Variants in PCDH15 observed in about 807,000 individuals in gnomAD.
The protein encoded by PCDH15 is protocadherin-15.
A neutral mutation model predicts 178.5 loss-of-function variants in PCDH15; 129 were observed. The observed-to-expected ratio is 0.72, with a 90% confidence interval of 0.63 to 0.84. The LOEUF (loss-of-function observed/expected upper bound fraction) is 0.84. Among genes scored for constraint, PCDH15 ranks in the 40% least tolerant of loss-of-function variants. The probability of loss-of-function intolerance (pLI) is 0.00; values close to 1 mark genes in which losing one functional copy is unlikely to be tolerated. For missense variants in PCDH15, 2,230 were observed against 2,099.9 expected (o/e 1.06, Z -1.21); for synonymous variants, 800 against 732.0 (o/e 1.09, Z -1.50).
At chr10:54,858,260 C>T (rs1953775817) in intron 3 of PCDH15, among the ~76,000 whole-genome samples, 1 of 152,142 alleles carries the variant, frequency 6.6e-6, no homozygotes, top group African/African-American at 2.4e-5. Context: ...TTGAAGGCTA[C>T]ATAATATTCC....
At chr10:54,319,592 C>T (rs374190445) in intron 7 of PCDH15, among the ~76,000 whole-genome samples, 49 of 152,136 alleles carry the variant, frequency 3.2e-4, no homozygotes, top group African/African-American at 1.0e-3. Context: ...TGGATAGAGG[C>T]GGTGGTTGCA....
chr10:55,075,365 A>C lies in PCDH15; in HGVS notation c.-80+91211T>G, dbSNP rs1564774780. On this transcript the variant is annotated intron_variant, in intron 2 of 5. Coordinates refer to the PCDH15 transcript ENST00000458638. ...TATAACAGATTATCAATTTTGTTTA[A>C]ATTTTTTTTTTTTTTTTTTGAGATG... Among the ~76,000 whole-genome samples, 3 of 106,834 alleles carry C rather than the reference A, an allele frequency of 2.8e-5. No homozygotes were observed. The South Asian group carries it at 1.1e-3, about 39-fold the overall frequency. 70.1% of individuals were successfully genotyped at this position (106,834 alleles called of 152,430 possible).
At chr10:55,443,947 T>C (rs1589033160) in intron 2 of PCDH15, among the ~76,000 whole-genome samples, 2 of 152,140 alleles carry the variant, frequency 1.3e-5, no homozygotes, top group Non-Finnish European at 2.9e-5. Flanking sequence ...TGGAATACTA[T>C]GCAGCCATAA....
chr10:55,626,315 G>T (rs950049093), intron 2 of PCDH15, among the ~76,000 whole-genome samples: 1 of 152,178 alleles, frequency 6.6e-6, no homozygotes, highest in East Asian at 1.9e-4. Flanking sequence ...CTTGGATCTT[G>T]CCTCCCACTG....
chr10:55,193,898 C>A (rs1013265774), intron 1 of PCDH15, among the ~76,000 whole-genome samples: 1 of 151,640 alleles, frequency 6.6e-6, no homozygotes, highest in African/African-American at 2.4e-5. Context: ...ACTATGGGTC[C>A]CTTAAATAAT....
chr10:55,278,294 G>T (rs1277609434), intron 1 of PCDH15, among the ~76,000 whole-genome samples: 3 of 151,834 alleles, frequency 2.0e-5, no homozygotes, highest in African/African-American at 7.3e-5. Context: ...CTTAAGTTGT[G>T]GGTAGACAGT....
intron 2 of PCDH15, among the ~76,000 whole-genome samples, chr10:55,612,209 G>A (rs1843381457): frequency 6.6e-6 from 1 of 151,968 alleles, no homozygotes; most frequent in African/African-American, 2.4e-5. Flanking sequence ...ATAAATATGT[G>A]AGTTGAAAGA....
rs763546815 is a variant in PCDH15 at position 55,110,963 on chromosome 10, CAG to C, written c.-80+55611_-80+55612del. 1.9e-3 allele frequency among the ~76,000 whole-genome samples: 288 copies of C among 152,218 alleles called. 5 individuals are homozygous for C. Among genetic ancestry groups the C allele is most frequent in the East Asian group, 7.7e-4 (4 of 5,190 alleles). ...AGTTTATATCCTCTATCTCACAAAACAGAGTTTCCTTTTCTTATAGCAATTAG... is the reference window on the plus strand; with the variant it reads ...AGTTTATATCCTCTATCTCACAAAACAGTTTCCTTTTCTTATAGCAATTAG... On this transcript the variant is annotated intron_variant, in intron 2 of 5. Coordinates refer to the PCDH15 transcript ENST00000458638.
intron 2 of PCDH15, among the ~76,000 whole-genome samples, chr10:55,327,227 C>G (rs1844055465): frequency 6.6e-6 from 1 of 152,038 alleles, no homozygotes. Context: ...ATCTATGAAC[C>G]AGGATGTGAG....
chr10:55,160,452 T>G (rs1591953848), intron 2 of PCDH15, among the ~76,000 whole-genome samples: 2 of 152,022 alleles, frequency 1.3e-5, no homozygotes, highest in African/African-American at 4.8e-5. Context: ...ATGCTTTTTT[T>G]GGTCCCCAAA....
At chr10:55,264,677 C>T (rs1051922201) in intron 1 of PCDH15, among the ~76,000 whole-genome samples, 2 of 152,152 alleles carry the variant, frequency 1.3e-5, no homozygotes, top group African/African-American at 4.8e-5. Flanking sequence ...TATACTCCTC[C>T]GGAGTGTGTC....
intron 2 of PCDH15, among the ~76,000 whole-genome samples, chr10:55,618,120 A>G (rs1449392819): frequency 1.3e-5 from 2 of 151,852 alleles, no homozygotes; most frequent in Non-Finnish European, 2.9e-5. Context: ...AGAATCCAGG[A>G]TTTTTTTTCT....
At chr10:55,311,617 G>T (rs1843589628) in intron 1 of PCDH15, among the ~76,000 whole-genome samples, 1 of 152,158 alleles carries the variant, frequency 6.6e-6, no homozygotes, top group Non-Finnish European at 1.5e-5. Flanking sequence ...AGACCTTTTG[G>T]AAAAATGAGG....
At chr10:55,421,976 T>C (rs957108183) in intron 2 of PCDH15, among the ~76,000 whole-genome samples, 2 of 151,794 alleles carry the variant, frequency 1.3e-5, no homozygotes, top group Admixed American at 6.6e-5. Flanking sequence ...TATCGAGATA[T>C]GATTCATTTT....
intron 7 of PCDH15, among the ~76,000 whole-genome samples, chr10:54,328,992 T>C (rs1337812874): frequency 1.3e-5 from 2 of 152,040 alleles, no homozygotes; most frequent in Non-Finnish European, 2.9e-5. Flanking sequence ...TTTATAAGTA[T>C]ATAAACCATG....
At chr10:54,721,579 G>A (rs1941613995) in intron 1 of PCDH15, among the ~76,000 whole-genome samples, 1 of 151,690 alleles carries the variant, frequency 6.6e-6, no homozygotes, top group South Asian at 2.1e-4. Flanking sequence ...GATTATAAGA[G>A]ACTACTATGA....
chr10:54,144,492 T>C (rs1564525039), intron 14 of PCDH15, among the ~76,000 whole-genome samples: 2 of 152,170 alleles, frequency 1.3e-5, no homozygotes, highest in East Asian at 1.9e-4. Flanking sequence ...TCATTCATCA[T>C]GATTGCTTTC....
chr10:54,168,753 G>T (rs1347819175), intron 13 of PCDH15, among the ~76,000 whole-genome samples: 1 of 151,490 alleles, frequency 6.6e-6, no homozygotes, highest in Non-Finnish European at 1.5e-5. Context: ...GACCCTAAAA[G>T]GTCAAAAGGC....
chr10:54,534,781 T>C (rs2084300678), intron 2 of PCDH15, among the ~76,000 whole-genome samples: 1 of 152,178 alleles, frequency 6.6e-6, no homozygotes. Context: ...GGAGAGGGAC[T>C]TTTCTCATTT....
Sources: gnomAD v4.1 joint callset for allele counts (sites outside exome capture counted in the v4.1 genomes callset) on GRCh38, gnomAD v4.1.1 for gene constraint, MANE v1.5 for transcripts, NCBI Gene and HGNC (gene_info 2026-07-23, HGNC 2026-07-21) for gene names.